Variants in PLBD1 observed in about 807,000 individuals in gnomAD.
PLBD1 encodes lysosomal leucine aminopeptidase.
Under a neutral mutation model 63.0 loss-of-function variants are expected in PLBD1, and 60 were observed. That is an observed-to-expected ratio of 0.95 (90% CI 0.77 to 1.18). The LOEUF is 1.18. Ranked by LOEUF, PLBD1 falls within the 50% of genes most tolerant of loss-of-function variation. The probability of loss-of-function intolerance (pLI) is 0.00; values close to 1 mark genes in which losing one functional copy is unlikely to be tolerated. For synonymous variants in PLBD1, 262 were observed against 248.0 expected (o/e 1.06, Z -0.53); for missense variants, 598 against 677.9 (o/e 0.88, Z 1.31).
In PLBD1 at chr12:14,539,491, G is replaced by A. The variant is rs555435828; in HGVS notation, c.558+1273C>T. Among the ~76,000 whole-genome samples, 3 of 151,862 alleles carry A rather than the reference G, an allele frequency of 2.0e-5. No homozygotes were observed. In the South Asian group the frequency reaches 6.2e-4, roughly 32 times the overall value. On this transcript the variant is annotated intron_variant, in intron 4 of 10. Coordinates refer to ENST00000240617, the MANE Select transcript of PLBD1 (RefSeq NM_024829.6). Reference sequence around the variant, plus strand: ...CCTTTTTTGAATTTGCACAAATACAGTCATATTGTGTGGGCTGGGTGCAAT... The same window carrying A: ...CCTTTTTTGAATTTGCACAAATACAATCATATTGTGTGGGCTGGGTGCAAT...
At chr12:14,553,532 G>T in intron 1 of PLBD1, 120 bp from the exon 2 acceptor site, 1 of 827,468 alleles carries the variant, frequency 1.2e-6, no homozygotes, top group Non-Finnish European at 1.9e-6. Context: ...TATTAGAATT[G>T]GGAAATCTGC....
At chr12:14,552,579 G>A (rs964370184) in intron 2 of PLBD1, among the ~76,000 whole-genome samples, 4 of 152,138 alleles carry the variant, frequency 2.6e-5, no homozygotes, top group Non-Finnish European at 4.4e-5. Context: ...CAAGTGACTA[G>A]TAGGATGAAA....
Position 14,567,553 on chromosome 12 carries a change from G to GC in PLBD1, c.115+28dup, listed in dbSNP as rs1945801631. 4.8e-6 allele frequency: 7 copies of GC among 1,468,208 alleles called. 1 individual carries two copies. The highest frequency in any genetic ancestry group is 2.9e-5 in the East Asian group (1 of 34,158). The allele number at this position is 1,468,208 out of a possible 1,614,324, so 90.9% of individuals were successfully genotyped here. ...CAGGCTCCTAGGAGCCTCCCCGGGC[G>GC]CCCCCCGCCCAGGGCGCGCTCTGCT... On this transcript the variant is annotated intron_variant, in intron 1 of 10. Transcript: ENST00000240617.
intron 2 of PLBD1, among the ~76,000 whole-genome samples, chr12:14,550,445 C>T (rs114912093): frequency 2.0e-4 from 31 of 152,230 alleles, no homozygotes; most frequent in African/African-American, 6.0e-4. Context: ...CTGACTTATA[C>T]GTGTCAACTT....
intron 6 of PLBD1, among the ~76,000 whole-genome samples, chr12:14,526,655 T>C (rs1015719912): frequency 2.6e-5 from 4 of 152,128 alleles, no homozygotes; most frequent in African/African-American, 4.8e-5. Context: ...TAGAATAATA[T>C]GAAAGTACTG....
At chr12:14,566,540 C>T (rs1018327408) in intron 1 of PLBD1, among the ~76,000 whole-genome samples, 1 of 152,102 alleles carries the variant, frequency 6.6e-6, no homozygotes, top group Non-Finnish European at 1.5e-5. Context: ...ATCTTCACCT[C>T]CTTAGGAACG....
chr12:14,536,553 G>T lies in PLBD1; in HGVS notation c.699+17C>A, dbSNP rs767137916. Reference sequence around the variant, plus strand: ...TGTATGAACCAGAACAAGGCAAAAGGAGCTGCTATGTCTTACCTTGATAAG... The same window carrying T: ...TGTATGAACCAGAACAAGGCAAAAGTAGCTGCTATGTCTTACCTTGATAAG... On this transcript the variant is annotated intron_variant, in intron 5 of 10. Coordinates refer to ENST00000240617, the MANE Select transcript of PLBD1 (RefSeq NM_024829.6). 3 of 1,612,380 alleles carry T rather than the reference G, an allele frequency of 1.9e-6. No homozygotes were observed. Among genetic ancestry groups the T allele is most frequent in the Non-Finnish European group, 2.5e-6 (3 of 1,179,096 alleles).
At position 14,507,653 on chromosome 12, in the gene PLBD1, C is replaced by CT. The variant is rs200975312; in HGVS notation, c.1187-536dup. 3.0e-3 allele frequency among the ~76,000 whole-genome samples: 456 copies of CT among 151,332 alleles called. 1 individual carries two copies. The highest frequency in any genetic ancestry group is 0.011 in the African/African-American group (437 of 41,326). On this transcript the variant is annotated intron_variant, in intron 8 of 10. Coordinates refer to ENST00000240617, the MANE Select transcript of PLBD1 (RefSeq NM_024829.6). The stretch of plus-strand genomic sequence containing the variant: ...AACTTCATTTGTTTTGTTTCTGTTT[C>CT]TTTTTTTTTGAAAGACGTCAATGGG...
chr12:14,537,998 G>A (rs1158239583), intron 4 of PLBD1, among the ~76,000 whole-genome samples: 1 of 151,390 alleles, frequency 6.6e-6, no homozygotes, highest in Non-Finnish European at 1.5e-5. Context: ...TTCCCTACTG[G>A]CACTGTGATC....
chr12:14,544,495 T>C (rs12307584), intron 2 of PLBD1, among the ~76,000 whole-genome samples: 19,316 of 152,184 alleles, frequency 0.13, 1,357 homozygotes, highest in Non-Finnish European at 0.16. Context: ...TTTTGATAAA[T>C]TCTCAGCAAT....
At chr12:14,511,800 C>T in intron 6 of PLBD1, 89 bp from the exon 7 acceptor site, 5 of 1,284,670 alleles carry the variant, frequency 3.9e-6, no homozygotes, top group Non-Finnish European at 5.5e-6. Context: ...ATACACAATG[C>T]ATTTTGCAAA....
intron 2 of PLBD1, among the ~76,000 whole-genome samples, chr12:14,542,506 C>T (rs530116699): frequency 2.4e-4 from 37 of 152,200 alleles, no homozygotes; most frequent in African/African-American, 7.2e-4. Context: ...AAGTATTCAC[C>T]GCTCAACTTT....
chr12:14,553,350 T>G lies in PLBD1; in HGVS notation c.178A>C (p.Met60Leu). Residue 60 changes from methionine to leucine, a missense_variant, in exon 2 of 11, where the codon ATG (methionine) becomes CTG (leucine). Physicochemically the swap from Met to Leu is conservative, Grantham distance 15. Transcript: ENST00000240617. ...CCATAGGCGTCCCCATTCTTGTCCA[T>G]TACATTTTTGACTTGTACTGTCTTT... ...AEKTVQVKNV[M>L]DKNGDAYGFY... 6.2e-7 allele frequency: 1 copy of G among 1,614,206 alleles called. No individual in the cohort carries two copies. The highest frequency in any genetic ancestry group is 8.5e-7 in the Non-Finnish European group (1 of 1,180,046).
chr12:14,547,634 G>A lies in PLBD1; in HGVS notation c.336-5343C>T, dbSNP rs1014289019. ...CAGTAAGTTTCCTGCTAATTTGGCTGAGATTTTGCTCACATTTACCTCTTC... is the reference window on the plus strand; with the variant it reads ...CAGTAAGTTTCCTGCTAATTTGGCTAAGATTTTGCTCACATTTACCTCTTC... On this transcript the variant is annotated intron_variant, in intron 2 of 10. Transcript: ENST00000240617. Among the ~76,000 whole-genome samples the A allele has an allele frequency of 2.0e-5, 3 of 152,196 alleles. No individual in the cohort carries two copies. In the East Asian group the frequency reaches 5.8e-4, roughly 29 times the overall value.
chr12:14,506,065 G>T (rs1945252557), intron 10 of PLBD1, 97 bp downstream of exon 10: 3 of 728,728 alleles, frequency 4.1e-6, no homozygotes, highest in Non-Finnish European at 4.4e-6. Context: ...TTTATGGTTA[G>T]CGACATCGCT....
chr12:14,531,805 T>C (rs1254864078), intron 6 of PLBD1, among the ~76,000 whole-genome samples: 1 of 152,114 alleles, frequency 6.6e-6, no homozygotes, highest in East Asian at 1.9e-4. Flanking sequence ...CTGATTTTTT[T>C]GTATTTTTGC....
At chr12:14,542,912 T>C (rs542226014) in intron 2 of PLBD1, among the ~76,000 whole-genome samples, 5 of 152,246 alleles carry the variant, frequency 3.3e-5, no homozygotes, top group Admixed American at 2.0e-4. Flanking sequence ...CCAGGCGTGG[T>C]GGCGGGCGCC....
intron 6 of PLBD1, among the ~76,000 whole-genome samples, chr12:14,533,882 C>T (rs1241436003): frequency 1.3e-5 from 2 of 152,356 alleles, no homozygotes; most frequent in African/African-American, 2.4e-5. Context: ...TGATTGCTCA[C>T]ACCTTAATCC....
At chr12:14,560,722 C>G (rs868859008) in intron 1 of PLBD1, among the ~76,000 whole-genome samples, 4 of 152,206 alleles carry the variant, frequency 2.6e-5, no homozygotes, top group Admixed American at 6.5e-5. Context: ...CCTTGGCTCT[C>G]TCCAGATATC....
Sources: gnomAD v4.1 joint callset for allele counts (sites outside exome capture counted in the v4.1 genomes callset) on GRCh38, gnomAD v4.1.1 for gene constraint, MANE v1.5 for transcripts, NCBI Gene and HGNC (gene_info 2026-07-23, HGNC 2026-07-21) for gene names.